Variants in ELL observed in about 807,000 individuals in gnomAD.
The protein encoded by ELL is RNA polymerase II elongation factor ELL.
Under a neutral mutation model 64.0 loss-of-function variants are expected in ELL, and 18 were observed. The ratio of observed to expected loss-of-function variants is 0.28; its 90% CI spans 0.19 to 0.42. The LOEUF is 0.42. Among genes scored for constraint, ELL ranks in the 10% least tolerant of loss-of-function variants. The probability of loss-of-function intolerance (pLI) is 1.00; values close to 1 mark genes in which losing one functional copy is unlikely to be tolerated. For synonymous variants in ELL, 399 were observed against 376.2 expected (o/e 1.06, Z -0.70); for missense variants, 797 against 870.4 (o/e 0.92, Z 1.06).
intron 1 of ELL, among the ~76,000 whole-genome samples, chr19:18,496,760 G>A (rs576710228): frequency 2.6e-5 from 4 of 152,338 alleles, no homozygotes; most frequent in African/African-American, 7.2e-5. Flanking sequence ...ACCTGTGGCT[G>A]TGGCCCGTCA....
At chr19:18,515,326 G>A (rs1600510271) in intron 1 of ELL, among the ~76,000 whole-genome samples, 2 of 152,162 alleles carry the variant, frequency 1.3e-5, no homozygotes, top group Admixed American at 6.5e-5. Flanking sequence ...TGCACCAGTG[G>A]GCCACTCCTG....
At chr19:18,466,316 T>A (rs929407003) in intron 2 of ELL, among the ~76,000 whole-genome samples, 1 of 152,166 alleles carries the variant, frequency 6.6e-6, no homozygotes, top group Non-Finnish European at 1.5e-5. Context: ...TGCGACACCC[T>A]ATGAGGTAAA....
Position 18,465,407 on chromosome 19 carries a change from C to T in ELL, c.469+5G>A. 6.3e-7 allele frequency: 1 copy of T among 1,590,900 alleles called. No homozygotes were observed. The highest frequency in any genetic ancestry group is 8.6e-7 in the Non-Finnish European group (1 of 1,164,816). ...CCCTACAGCCCTGCCAAACCCACTG[C>T]TCACCCAGGTAGCGGCCTCCAGCCT... On this transcript the variant is annotated splice_donor_5th_base_variant and intron_variant, in intron 4 of 11. Coordinates refer to ENST00000262809, the MANE Select transcript of ELL (RefSeq NM_006532.4).
intron 2 of ELL, among the ~76,000 whole-genome samples, chr19:18,467,635 AC>A (rs1322211059): frequency 3.1e-4 from 2 of 6,498 alleles, no homozygotes; most frequent in Non-Finnish European, 5.6e-4. Flanking sequence ...ACACAACCAC[AC>A]ACACACACAC....
At chr19:18,508,157 T>C (rs539842237) in intron 1 of ELL, among the ~76,000 whole-genome samples, 4 of 152,032 alleles carry the variant, frequency 2.6e-5, no homozygotes, top group African/African-American at 2.4e-5. Flanking sequence ...GAGATCAAAA[T>C]AGGAGTCACA....
rs750628211 is a variant in ELL at position 18,444,769 on chromosome 19, G to A, written c.1849C>T (p.Leu617=). The change falls in exon 12 of 12, where the codon CTG becomes TTG. Residue 617 remains leucine (L), a synonymous_variant. Coordinates refer to ENST00000262809, the MANE Select transcript of ELL (RefSeq NM_006532.4). ...GAGGGCGGCTAGGGCCAAGCCTGCA[G>A]CTGCCGCTGGTCGTACTCGGCGATG... The part of the protein sequence containing the change: ...RLIAEYDQRQ[L]QAWP The A allele has an allele frequency of 6.9e-6, 11 of 1,605,710 alleles. No homozygotes were observed. The African/African-American group carries it at 9.3e-5, about 14-fold the overall frequency.
intron 8 of ELL, chr19:18,448,512 T>C (rs1974462278): frequency 1.3e-5 from 2 of 152,236 alleles, no homozygotes; most frequent in Admixed American, 6.5e-5. Context: ...TCAATGGGCA[T>C]GTATTGAATG....
intron 1 of ELL, among the ~76,000 whole-genome samples, chr19:18,493,270 C>T (rs79749240): frequency 0.04 from 6,135 of 152,338 alleles, 243 homozygotes; most frequent in African/African-American, 0.11. Context: ...GGGCCGCTGT[C>T]ACCACAGTGG....
Position 18,446,823 on chromosome 19 carries a change from G to A in ELL, c.1466-9C>T, listed in dbSNP as rs761737565. 3 of 1,614,020 alleles carry A rather than the reference G, an allele frequency of 1.9e-6. No individual in the cohort carries two copies. The highest frequency in any genetic ancestry group is 1.7e-5 in the Admixed American group (1 of 59,996). ...GCAGGTTCCGTTTAAACCTACGAGA[G>A]CAAACACATACCTCCTGAGTCTGCG... is the stretch of plus-strand genomic sequence containing the variant. On this transcript the variant is annotated splice_polypyrimidine_tract_variant and intron_variant, in intron 8 of 11. Transcript: ENST00000262809.
At chr19:18,502,713 T>C (rs569625489) in intron 1 of ELL, among the ~76,000 whole-genome samples, 1 of 152,172 alleles carries the variant, frequency 6.6e-6, no homozygotes, top group Non-Finnish European at 1.5e-5. Flanking sequence ...ACTTGTCATG[T>C]TGCAGATGCC....
chr19:18,446,448 C>T lies in ELL; in HGVS notation c.1565G>A (p.Arg522His). 6.2e-7 allele frequency: 1 copy of T among 1,612,756 alleles called. No individual in the cohort carries two copies. The change falls in exon 10 of 12, where the codon CGC becomes CAC. Residue 522 changes from arginine (R) to histidine (H), a missense_variant. Physicochemically the swap from Arg to His is conservative, Grantham distance 29. Coordinates refer to ENST00000262809, the MANE Select transcript of ELL (RefSeq NM_006532.4). ...KYAAISSSEQ[R>H]QSYKNDFNAE... is the part of the protein sequence containing the mutation. Reference sequence around the variant, plus strand: ...ATTGAAGTCGTTCTTGTAGCTCTGGCGCTGCTCCGAAGAGGAGATGGCTGC... The same window carrying T: ...ATTGAAGTCGTTCTTGTAGCTCTGGTGCTGCTCCGAAGAGGAGATGGCTGC...
intron 6 of ELL, among the ~76,000 whole-genome samples, chr19:18,453,125 T>C (rs1974573539): frequency 6.6e-6 from 1 of 151,970 alleles, no homozygotes; most frequent in Non-Finnish European, 1.5e-5. Flanking sequence ...TACAAAAAAA[T>C]TAGCCGGGCA....
chr19:18,447,741 G>A (rs1032311598), intron 8 of ELL, among the ~76,000 whole-genome samples: 3 of 151,974 alleles, frequency 2.0e-5, no homozygotes, highest in Non-Finnish European at 4.4e-5. Context: ...CTTTCTTTCC[G>A]ATACAGAAAT....
rs149542120 is a variant in ELL, at chr19:18,444,463, G to C, written c.*289C>G. ...GCAGGCGCGCCACCCCAAGGGCCTA[G>C]GAGTCTTCTGGCGAGACAGGAGGCT... is the stretch of plus-strand genomic sequence containing the variant. On this transcript the variant is annotated 3_prime_UTR_variant, in exon 12 of 12. Transcript: ENST00000262809. 1.0e-5 allele frequency: 4 copies of C among 394,640 alleles called. No homozygotes were observed. The highest frequency in any genetic ancestry group is 2.0e-5 in the African/African-American group (1 of 49,238). The allele number at this position is 394,640 out of a possible 1,614,324, so 24.4% of individuals were successfully genotyped here.
At chr19:18,457,150 C>T (rs924505201) in intron 6 of ELL, among the ~76,000 whole-genome samples, 1 of 152,194 alleles carries the variant, frequency 6.6e-6, no homozygotes, top group Admixed American at 6.5e-5. Context: ...GCTCACTCAG[C>T]AGACGGAACA....
At chr19:18,505,492 A>C (rs1975863948) in intron 1 of ELL, among the ~76,000 whole-genome samples, 1 of 152,164 alleles carries the variant, frequency 6.6e-6, no homozygotes, top group Non-Finnish European at 1.5e-5. Context: ...CCACACACAC[A>C]CATGCTCTTC....
chr19:18,484,976 T>C (rs1975380068), intron 1 of ELL, among the ~76,000 whole-genome samples: 1 of 152,202 alleles, frequency 6.6e-6, no homozygotes, highest in Non-Finnish European at 1.5e-5. Context: ...CCTAGGTCAC[T>C]GGGGTCCTCC....
In ELL at chr19:18,449,168, C is replaced by T. The variant is rs1315044013; in HGVS notation, c.1465+1309G>A. Among the ~76,000 whole-genome samples the T allele has an allele frequency of 6.6e-6, 1 of 152,142 alleles. No homozygotes were observed. The highest frequency in any genetic ancestry group is 6.5e-5 in the Admixed American group (1 of 15,286). On this transcript the variant is annotated intron_variant, in intron 8 of 11. Transcript: ENST00000262809. The surrounding 1 kb of genome is among the most constrained non-coding windows in gnomAD (Gnocchi z 4.4). ...GGCCAGACAGGAAACCACCTTGAGT[C>T]CCCAGGCCTGTCTTGGCACCTAGGC...
In ELL at chr19:18,472,670, C is replaced by A. The variant is rs1357995827; in HGVS notation, c.183+165G>T. On this transcript the variant is annotated intron_variant, in intron 2 of 11. Coordinates refer to ENST00000262809, the MANE Select transcript of ELL (RefSeq NM_006532.4). The stretch of plus-strand genomic sequence containing the variant: ...GTGCACCCGACACGTCCTGGTGTGG[C>A]CCCAGCCAAGGGGCTATCCTGGGGG... 7 of 807,040 alleles carry A rather than the reference C, an allele frequency of 8.7e-6. No individual in the cohort carries two copies. In the Middle Eastern group the frequency reaches 7.4e-4, roughly 85 times the overall value. 50.0% of individuals were successfully genotyped at this position (807,040 alleles called of 1,614,324 possible). A position where few individuals can be genotyped will look rare whatever the true frequency, so the allele number is the denominator to read the frequency against.
Sources: gnomAD v4.1 joint callset for allele counts (sites outside exome capture counted in the v4.1 genomes callset) on GRCh38, gnomAD v4.1.1 for gene constraint, Gnocchi (gnomAD v3.1) non-coding constraint, MANE v1.5 for transcripts, NCBI Gene and HGNC (gene_info 2026-07-23, HGNC 2026-07-21) for gene names.